KALRN: variants seen among roughly 807,000 people sequenced by gnomAD.
KALRN encodes kalirin.
Under a neutral mutation model 353.7 loss-of-function variants are expected in KALRN, and 70 were observed. That is an observed-to-expected ratio of 0.20 (90% CI 0.16 to 0.24). The LOEUF is 0.24. Among genes scored for constraint, KALRN ranks in the 10% least tolerant of loss-of-function variants. The pLI, the probability that KALRN is intolerant of heterozygous loss-of-function variation, is 1.00. For synonymous variants in KALRN, 1,391 were observed against 1,434.8 expected (o/e 0.97, Z 0.69); for missense variants, 2,791 against 3,756.7 (o/e 0.74, Z 6.72).
intron 1 of KALRN, among the ~76,000 whole-genome samples, chr3:124,083,681 T>C (rs148810532): frequency 6.6e-6 from 1 of 152,236 alleles, no homozygotes; most frequent in South Asian, 2.1e-4. Flanking sequence ...ACTGTTAGAA[T>C]TGGCATTTGA....
chr3:124,558,142 C>G (rs1047428407), intron 33 of KALRN, among the ~76,000 whole-genome samples: 2 of 152,162 alleles, frequency 1.3e-5, no homozygotes, highest in East Asian at 3.9e-4. Context: ...AAAGGATTCA[C>G]TTACATAATA....
At chr3:124,119,936 C>T (rs960890752) in intron 1 of KALRN, among the ~76,000 whole-genome samples, 1 of 152,050 alleles carries the variant, frequency 6.6e-6, no homozygotes, top group African/African-American at 2.4e-5. Flanking sequence ...TATGCTTTAC[C>T]AATGCTAATG....
intron 33 of KALRN, among the ~76,000 whole-genome samples, chr3:124,501,259 G>T (rs1310246595): frequency 8.5e-5 from 13 of 152,176 alleles, no homozygotes; most frequent in African/African-American, 3.1e-4. Context: ...AAACATTTCA[G>T]GCTGGTGTGT....
At chr3:124,513,333 G>C (rs1052295693) in intron 33 of KALRN, among the ~76,000 whole-genome samples, 2 of 152,184 alleles carry the variant, frequency 1.3e-5, no homozygotes, top group Non-Finnish European at 2.9e-5. Context: ...CAGTGGGAGA[G>C]AGAAGCAGAC....
chr3:124,674,729 T>C (rs1054791744), intron 49 of KALRN, 115 bp downstream of exon 49: 1 of 1,138,500 alleles, frequency 8.8e-7, no homozygotes, highest in African/African-American at 1.6e-5. Context: ...CTGCTTATTC[T>C]CAACAGTACC....
At chr3:124,673,378 C>T (rs1372734584) in intron 48 of KALRN, among the ~76,000 whole-genome samples, 3 of 128,118 alleles carry the variant, frequency 2.3e-5, no homozygotes, top group East Asian at 4.4e-4. Flanking sequence ...ATAGCAAGAC[C>T]GTGTCTCAAA....
At chr3:124,524,842 G>A (rs1423620112) in intron 33 of KALRN, among the ~76,000 whole-genome samples, 7 of 152,188 alleles carry the variant, frequency 4.6e-5, no homozygotes, top group Non-Finnish European at 1.0e-4. Context: ...AACCAAAAGT[G>A]CAGTCAGAGT....
At chr3:124,455,444 T>A in intron 22 of KALRN, 85 bp downstream of exon 22, 1 of 1,359,350 alleles carries the variant, frequency 7.4e-7, no homozygotes, top group Non-Finnish European at 1.0e-6. Context: ...AAGAAAAGCA[T>A]GTTTCCAGAG....
chr3:124,139,923 G>A (rs1238104082), intron 1 of KALRN, among the ~76,000 whole-genome samples: 1 of 152,090 alleles, frequency 6.6e-6, no homozygotes, highest in African/African-American at 2.4e-5. Context: ...GGAGATAGAA[G>A]TGGCTTTTCT....
intron 1 of KALRN, among the ~76,000 whole-genome samples, chr3:124,199,429 G>A (rs2075755758): frequency 6.6e-6 from 1 of 152,182 alleles, no homozygotes; most frequent in Non-Finnish European, 1.5e-5. Context: ...GGGATCTGTG[G>A]AGTCCTAAAT....
chr3:124,713,966 G>C (rs1354826631), intron 58 of KALRN, among the ~76,000 whole-genome samples: 2 of 151,990 alleles, frequency 1.3e-5, no homozygotes, highest in Admixed American at 1.3e-4. Flanking sequence ...TGTTAGTCTA[G>C]GTGTGTGTGT....
At chr3:124,265,762 T>C (rs984899503) in intron 4 of KALRN, among the ~76,000 whole-genome samples, 7 of 152,208 alleles carry the variant, frequency 4.6e-5, no homozygotes, top group African/African-American at 2.4e-5. Flanking sequence ...ATAGTGCATA[T>C]ACATACACAT....
intron 6 of KALRN, among the ~76,000 whole-genome samples, chr3:124,312,321 C>G (rs28451142): frequency 9.2e-5 from 14 of 152,094 alleles, no homozygotes; most frequent in Admixed American, 3.3e-4. Flanking sequence ...CCACCATGCC[C>G]GGCTAATTTT....
chr3:124,494,319 T>G (rs1232716699), intron 32 of KALRN, among the ~76,000 whole-genome samples: 3 of 152,206 alleles, frequency 2.0e-5, no homozygotes, highest in Non-Finnish European at 4.4e-5. Flanking sequence ...GTTCATTGGT[T>G]GGGGAATACT....
At chr3:124,054,382 T>TAAAAATAAAAATAAAAATA (rs368296269) in intron 1 of KALRN, among the ~76,000 whole-genome samples, 18 of 147,116 alleles carry the variant, frequency 1.2e-4, no homozygotes, top group African/African-American at 4.0e-4. Flanking sequence ...AAAATAAAAA[T>TAAAAATAAAAATAAAAATA]AAAATAAAAT....
At chr3:124,125,252 C>G (rs2149635250) in intron 1 of KALRN, among the ~76,000 whole-genome samples, 1 of 152,298 alleles carries the variant, frequency 6.6e-6, no homozygotes, top group South Asian at 2.1e-4. Context: ...GAAACTGAAT[C>G]TCAAAAAGGT....
intron 3 of KALRN, among the ~76,000 whole-genome samples, chr3:124,250,052 G>T (rs1283185235): frequency 6.6e-6 from 1 of 151,738 alleles, no homozygotes; most frequent in African/African-American, 2.4e-5. Flanking sequence ...AACCCAGTGG[G>T]CATGGCCTGG....
rs1013968803 is a variant in KALRN at position 124,725,472 on chromosome 3, C to T, written c.*6002C>T. ...CTGTTGGAAAATATGGATATATGTA[C>T]ATCTGTACATGTATATAGTGTATAA... On this transcript the variant is annotated 3_prime_UTR_variant, in exon 60 of 60. Transcript: ENST00000682506. 2 of 152,120 alleles carry T rather than the reference C, an allele frequency of 1.3e-5. No individual in the cohort carries two copies. The highest frequency in any genetic ancestry group is 2.9e-5 in the Non-Finnish European group (2 of 68,030). 9.4% of individuals were successfully genotyped at this position (152,120 alleles called of 1,614,324 possible). A position where few individuals can be genotyped will look rare whatever the true frequency, so the allele number is the denominator to read the frequency against.
chr3:124,205,331 G>A (rs1218136984), intron 1 of KALRN, among the ~76,000 whole-genome samples: 1 of 152,202 alleles, frequency 6.6e-6, no homozygotes, highest in African/African-American at 2.4e-5. Context: ...ACCACCAGGT[G>A]TAGATAACTG....
Sources: gnomAD v4.1 joint callset for allele counts (sites outside exome capture counted in the v4.1 genomes callset) on GRCh38, gnomAD v4.1.1 for gene constraint, MANE v1.5 for transcripts, NCBI Gene and HGNC (gene_info 2026-07-23, HGNC 2026-07-21) for gene names.